Variants in KIF5B observed in about 807,000 individuals in gnomAD.
KIF5B encodes the protein kinesin-1 heavy chain.
A neutral mutation model predicts 132.8 loss-of-function variants in KIF5B; 49 were observed. The ratio of observed to expected loss-of-function variants is 0.37; its 90% confidence interval spans 0.29 to 0.47. KIF5B has a LOEUF of 0.47. KIF5B is among the 20% of genes least tolerant of loss of function. The probability of loss-of-function intolerance (pLI) is 1.00; values close to 1 mark genes in which losing one functional copy is unlikely to be tolerated. For missense variants in KIF5B, 780 were observed against 1,144.0 expected, an observed-to-expected ratio of 0.68 and a Z score of 4.59; for synonymous variants, 355 against 369.4, an observed-to-expected ratio of 0.96 and a Z score of 0.45.
intron 2 of KIF5B, among the ~76,000 whole-genome samples, chr10:32,043,209 G>T (rs943274356): frequency 2.6e-5 from 4 of 152,116 alleles, no homozygotes; most frequent in African/African-American, 9.7e-5. Flanking sequence ...CACCATGTTG[G>T]CCAGGCTGGT....
At chr10:32,021,315 G>A (rs776077807) in intron 17 of KIF5B, 28 bp from the exon 18 acceptor site, 1 of 1,522,704 alleles carries the variant, frequency 6.6e-7, no homozygotes, top group South Asian at 1.1e-5. Flanking sequence ...AAATAGAAGA[G>A]TGAAATAAGC....
At chr10:32,027,414 G>T (rs557655131) in intron 15 of KIF5B, among the ~76,000 whole-genome samples, 1 of 152,010 alleles carries the variant, frequency 6.6e-6, no homozygotes, top group South Asian at 2.1e-4. Context: ...AGGACAAAGA[G>T]GTATAAAGAA....
intron 25 of KIF5B, among the ~76,000 whole-genome samples, chr10:32,013,308 G>A (rs1027424247): frequency 6.6e-6 from 1 of 152,166 alleles, no homozygotes; most frequent in Non-Finnish European, 1.5e-5. Context: ...ACCAGCTATT[G>A]TATGTCTACT....
chr10:32,022,169 C>T lies in KIF5B; in HGVS notation c.2003G>A (p.Ser668Asn), dbSNP rs1746613200. The change falls in exon 17 of 26, where the codon AGT becomes AAT. Residue 668 changes from serine to asparagine, a missense_variant. By Grantham distance (46) the Ser-to-Asn change is conservative (BLOSUM62 1). Around this residue, in one of 9 missense-constraint regions of KIF5B, gnomAD observed 471 missense variants for 569.9 expected, o/e 0.83. Coordinates refer to ENST00000302418, the MANE Select transcript of KIF5B (RefSeq NM_004521.3). ...TGCTCGAAGCTGGACTAGTTCTTCACTGAGGGCATCGACAGATTCCTCCAA... is the reference window on the plus strand; with the variant it reads ...TGCTCGAAGCTGGACTAGTTCTTCATTGAGGGCATCGACAGATTCCTCCAA... ...RQLEESVDAL[S>N]EELVQLRAQE... 1.2e-6 allele frequency: 2 copies of T among 1,609,532 alleles called. No individual in the cohort carries two copies. The highest frequency in any genetic ancestry group is 1.7e-6 in the Non-Finnish European group (2 of 1,176,258).
intron 3 of KIF5B, 116 bp downstream of exon 3, chr10:32,040,268 T>C: frequency 1.4e-6 from 1 of 712,564 alleles, no homozygotes; most frequent in Middle Eastern, 2.9e-4. Flanking sequence ...ATTATTTGTA[T>C]GAGAAAAGGC....
At chr10:32,022,802 A>T (rs2132587331) in intron 16 of KIF5B, 46 bp downstream of exon 16, 1 of 1,328,184 alleles carries the variant, frequency 7.5e-7, no homozygotes, top group African/African-American at 1.5e-5. Flanking sequence ...TAAAATTTCT[A>T]TGTGGCTGTT....
Position 32,019,232 on chromosome 10 carries a change from A to C in KIF5B, c.2306+626T>G, listed in dbSNP as rs140085448. The stretch of plus-strand genomic sequence containing the variant: ...AAATATTTTACATTACAAGTATTCT[A>C]AACAAAATTACAGCTGCAAGTTAGC... On this transcript the variant is annotated intron_variant, in intron 20 of 25. Transcript: ENST00000302418. 2.0e-5 allele frequency among the ~76,000 whole-genome samples: 3 copies of C among 152,238 alleles called. No homozygotes were observed. The South Asian group carries it at 6.2e-4, about 32-fold the overall frequency.
chr10:32,045,306 A>G (rs1841595149), intron 2 of KIF5B, among the ~76,000 whole-genome samples: 1 of 152,222 alleles, frequency 6.6e-6, no homozygotes, highest in Non-Finnish European at 1.5e-5. Context: ...AGTCATATTC[A>G]GAAAAAAAAT....
chr10:32,038,623 G>A (rs1482177018), intron 5 of KIF5B, among the ~76,000 whole-genome samples, 155 bp downstream of exon 5: 1 of 151,964 alleles, frequency 6.6e-6, no homozygotes, highest in Admixed American at 6.6e-5. Context: ...TCTATTTAAA[G>A]GTATTCAACT....
chr10:32,041,976 ATT>A (rs1841547149), intron 2 of KIF5B, among the ~76,000 whole-genome samples: 1 of 152,072 alleles, frequency 6.6e-6, no homozygotes, highest in Admixed American at 6.5e-5. Flanking sequence ...ATTTAAATAT[ATT>A]CTTTTATTAG....
At chr10:32,028,692 A>G in intron 14 of KIF5B, 121 bp from the exon 15 acceptor site, 5 of 809,568 alleles carry the variant, frequency 6.2e-6, no homozygotes, top group Non-Finnish European at 9.5e-6. Context: ...TTCTGCTTTC[A>G]TTTTTCTTGA....
chr10:32,023,083 T>A, intron 15 of KIF5B, 47 bp from the exon 16 acceptor site: 1 of 1,161,104 alleles, frequency 8.6e-7, no homozygotes, highest in Non-Finnish European at 1.2e-6. Context: ...AAATGTTCAA[T>A]GTGTGTTTTC....
chr10:32,037,157 G>T, intron 8 of KIF5B, 97 bp downstream of exon 8: 1 of 1,146,756 alleles, frequency 8.7e-7, no homozygotes, highest in Non-Finnish European at 1.2e-6. Context: ...ATCCAGTTTG[G>T]TAAGTAAGAT....
chr10:32,023,426 G>T (rs1356320801), intron 15 of KIF5B, among the ~76,000 whole-genome samples: 1 of 152,140 alleles, frequency 6.6e-6, no homozygotes, highest in Non-Finnish European at 1.5e-5. Flanking sequence ...TTAACAAGAG[G>T]ATGTTTAGGT....
chr10:32,022,430 GATC>G (rs1841276796), intron 16 of KIF5B, among the ~76,000 whole-genome samples, 173 bp from the exon 17 acceptor site: 2 of 152,190 alleles, frequency 1.3e-5, no homozygotes, highest in Admixed American at 6.5e-5. Context: ...ATTCATTGGT[GATC>G]ATAACTTGCA....
chr10:32,037,628 A>G (rs1260470240), intron 6 of KIF5B, 21 bp from the exon 7 acceptor site: 3 of 1,544,964 alleles, frequency 1.9e-6, no homozygotes, highest in East Asian at 2.2e-5. Context: ...ATTTTTAAAA[A>G]TATGTTAATG....
Position 32,010,208 on chromosome 10 carries a change from C to A in KIF5B, c.*1329G>T, listed in dbSNP as rs561153562. The stretch of plus-strand genomic sequence containing the variant: ...CTAACACAGTTGCAGTCACCGCCCC[C>A]CTACCACTGATGAAGCAAATAGTGA... On this transcript the variant is annotated 3_prime_UTR_variant, in exon 26 of 26. Coordinates refer to ENST00000302418, the MANE Select transcript of KIF5B (RefSeq NM_004521.3). 4 of 152,236 alleles carry A rather than the reference C, an allele frequency of 2.6e-5. No individual in the cohort carries two copies. The highest frequency in any genetic ancestry group is 2.6e-4 in the Admixed American group (4 of 15,296). The allele number at this position is 152,236 out of a possible 1,614,324, so 9.4% of individuals were successfully genotyped here. A position where few individuals can be genotyped will look rare whatever the true frequency, so the allele number is the denominator to read the frequency against.
Position 32,022,950 on chromosome 10 carries a change from C to T in KIF5B, c.1812G>A (p.Met604Ile). The change falls in exon 16 of 26, where the codon ATG (methionine) becomes ATA (isoleucine). Residue 604 changes from methionine (M) to isoleucine (I), a missense_variant. Transcript: ENST00000302418. ...ISKMKSEVKT[M>I]VKRCKQLEST... is the part of the protein sequence containing the mutation. Reference sequence around the variant, plus strand: ...TTTCTAACTGCTTGCAACGTTTCACCATGGTTTTTACTTCTGACTTCATTT... The same window carrying T: ...TTTCTAACTGCTTGCAACGTTTCACTATGGTTTTTACTTCTGACTTCATTT... 12 of 1,613,324 alleles carry T rather than the reference C, an allele frequency of 7.4e-6. No individual in the cohort carries two copies. The highest frequency in any genetic ancestry group is 2.2e-5 in the South Asian group (2 of 91,028).
chr10:32,010,251 C>CTATT lies in KIF5B; in HGVS notation c.*1285_*1286insAATA, dbSNP rs1463614825. 1 of 152,174 alleles carries CTATT rather than the reference C, an allele frequency of 6.6e-6. No individual in the cohort carries two copies. Among genetic ancestry groups the CTATT allele is most frequent in the Non-Finnish European group, 1.5e-5 (1 of 68,020 alleles). The allele number at this position is 152,174 out of a possible 1,614,324, so 9.4% of individuals were successfully genotyped here. A position where few individuals can be genotyped will look rare whatever the true frequency, so the allele number is the denominator to read the frequency against. ...AATAGTGAAATCTCTTTCCCTATTA[C>CTATT]TTTTACAGTTTCCTAAAATAAGCTG... On this transcript the variant is annotated 3_prime_UTR_variant, in exon 26 of 26. Coordinates refer to ENST00000302418, the MANE Select transcript of KIF5B (RefSeq NM_004521.3).
Sources: allele counts gnomAD v4.1 joint callset (sites outside exome capture counted in the v4.1 genomes callset), GRCh38; gene constraint gnomAD v4.1.1; regional missense constraint gnomAD v4.1.1; transcripts MANE v1.5; gene names NCBI Gene and HGNC (gene_info 2026-07-23, HGNC 2026-07-21).